Variants in CSMD3 observed in about 807,000 individuals in gnomAD.
CSMD3 encodes CUB and sushi domain-containing protein 3.
A neutral mutation model predicts 435.2 loss-of-function variants in CSMD3; 177 were observed. The ratio of observed to expected loss-of-function variants is 0.41; its 90% CI spans 0.36 to 0.46. The LOEUF is 0.46. Among genes scored for constraint, CSMD3 ranks in the 20% least tolerant of loss-of-function variants. The pLI is 0.34. For synonymous variants in CSMD3, 1,656 were observed against 1,520.5 expected (o/e 1.09, Z -2.07); for missense variants, 4,265 against 4,504.6 (o/e 0.95, Z 1.52).
intron 24 of CSMD3, among the ~76,000 whole-genome samples, chr8:112,571,154 T>A (rs1418865414): frequency 6.6e-6 from 1 of 152,014 alleles, no homozygotes; most frequent in African/African-American, 2.4e-5. Context: ...ATTACAGGCA[T>A]GTGCCACCAC....
chr8:112,746,307 A>C (rs1473847253), intron 13 of CSMD3, among the ~76,000 whole-genome samples: 1 of 152,150 alleles, frequency 6.6e-6, no homozygotes, highest in Non-Finnish European at 1.5e-5. Flanking sequence ...AAATGGAAGT[A>C]GCTTCCTGGT....
chr8:112,353,267 G>A (rs1563830365), intron 38 of CSMD3, among the ~76,000 whole-genome samples: 1 of 152,038 alleles, frequency 6.6e-6, no homozygotes, highest in African/African-American at 2.4e-5. Flanking sequence ...GGCAGGTGCT[G>A]TAATCCCAGC....
At chr8:113,130,753 G>C (rs929580432) in intron 4 of CSMD3, among the ~76,000 whole-genome samples, 1 of 152,102 alleles carries the variant, frequency 6.6e-6, no homozygotes, top group African/African-American at 2.4e-5. Flanking sequence ...AAGAAGACAG[G>C]AAGATGTGGG....
chr8:112,465,967 A>G (rs1187517381), intron 32 of CSMD3, among the ~76,000 whole-genome samples: 1 of 141,884 alleles, frequency 7.0e-6, no homozygotes, highest in Non-Finnish European at 1.5e-5. Flanking sequence ...AGAGGGAGAC[A>G]CCATCTCAAA....
chr8:112,531,444 C>T (rs1268455407), intron 27 of CSMD3, among the ~76,000 whole-genome samples: 3 of 152,110 alleles, frequency 2.0e-5, no homozygotes, highest in Non-Finnish European at 4.4e-5. Flanking sequence ...CTTTGGGTGC[C>T]AGTTACAACA....
chr8:112,676,732 G>T (rs894680248), intron 16 of CSMD3, among the ~76,000 whole-genome samples: 1 of 152,088 alleles, frequency 6.6e-6, no homozygotes, highest in Admixed American at 6.6e-5. Context: ...CAACAGAGGA[G>T]AATTAATTTA....
In CSMD3 at chr8:112,265,320, T is replaced by A. The variant is rs1405503477; in HGVS notation, c.9688+91A>T. On this transcript the variant is annotated intron_variant, in intron 60 of 70. Coordinates refer to ENST00000297405, the MANE Select transcript of CSMD3 (RefSeq NM_198123.2). Reference sequence around the variant, plus strand: ...ATAAATGCAACCTGGAACTAAAAAATTTTATTTAAGTATACTTTAAATTTG... The same window carrying A: ...ATAAATGCAACCTGGAACTAAAAAAATTTATTTAAGTATACTTTAAATTTG... 5.6e-6 allele frequency: 5 copies of A among 891,256 alleles called. No individual in the cohort carries two copies. In the East Asian group the frequency reaches 9.1e-5, roughly 16 times the overall value. The allele number at this position is 891,256 out of a possible 1,614,324, so 55.2% of individuals were successfully genotyped here.
chr8:113,205,076 C>T (rs1020123684), intron 3 of CSMD3, among the ~76,000 whole-genome samples: 2 of 151,770 alleles, frequency 1.3e-5, no homozygotes, highest in East Asian at 1.9e-4. Flanking sequence ...CTCCACCTCT[C>T]GGGTTCAAGA....
rs371111586 is a variant in CSMD3 at position 112,667,714 on chromosome 8, G to GA, written c.2678-1300dup. Among the ~76,000 whole-genome samples the GA allele has an allele frequency of 3.2e-3, 490 of 152,170 alleles. 1 individual carries two copies. Among genetic ancestry groups the GA allele is most frequent in the African/African-American group, 0.011 (463 of 41,534 alleles). ...ACTTTCAGGAAGTATACACAGAAGA[G>GA]AAAATGGAGGAAAGAGTGTTTAAGA... On this transcript the variant is annotated intron_variant, in intron 16 of 70. Transcript: ENST00000297405.
intron 6 of CSMD3, among the ~76,000 whole-genome samples, chr8:112,992,500 T>C (rs910926031): frequency 6.6e-6 from 1 of 151,772 alleles, no homozygotes; most frequent in African/African-American, 2.4e-5. Flanking sequence ...TATCTTTGCT[T>C]ACTCCTGAAA....
At position 112,785,818 on chromosome 8, in the gene CSMD3, A is replaced by G. The variant is rs776622280; in HGVS notation, c.1972+14344T>C. 7.9e-5 allele frequency among the ~76,000 whole-genome samples: 12 copies of G among 152,270 alleles called. 1 individual carries two copies. In the South Asian group the frequency reaches 1.0e-3, roughly 13 times the overall value. On this transcript the variant is annotated intron_variant, in intron 13 of 70. Transcript: ENST00000297405. ...AAAAAAGGAAAGATATATTACATTT[A>G]TGGATTAGAATAATCAGTATTATTA...
chr8:113,220,923 T>C (rs2092959073), intron 3 of CSMD3, among the ~76,000 whole-genome samples: 2 of 151,364 alleles, frequency 1.3e-5, no homozygotes, highest in Non-Finnish European at 3.0e-5. Context: ...ATTCATAACT[T>C]CTTTCTAATT....
Position 112,356,107 on chromosome 8 carries a change from C to G in CSMD3, c.6137-3573G>C, listed in dbSNP as rs574874358. Among the ~76,000 whole-genome samples the G allele has an allele frequency of 9.9e-5, 15 of 152,256 alleles. No homozygotes were observed. In the East Asian group the frequency reaches 2.9e-3, roughly 29 times the overall value. ...GTGGGAATGTAAATTAGTTCAGCCA[C>G]TGTGGAAAACAGTTTGGAGATTTCT... On this transcript the variant is annotated intron_variant, in intron 38 of 70. Transcript: ENST00000297405.
At chr8:113,298,524 A>C (rs1346265259) in intron 2 of CSMD3, among the ~76,000 whole-genome samples, 1 of 152,194 alleles carries the variant, frequency 6.6e-6, no homozygotes, top group Non-Finnish European at 1.5e-5. Context: ...TATTTTATTG[A>C]GCATCAATTA....
intron 45 of CSMD3, among the ~76,000 whole-genome samples, chr8:112,331,050 G>A (rs1018212325): frequency 6.6e-6 from 1 of 151,738 alleles, no homozygotes; most frequent in African/African-American, 2.4e-5. Context: ...TACCTTATAG[G>A]GTTACTATGA....
intron 23 of CSMD3, among the ~76,000 whole-genome samples, chr8:112,576,983 C>G (rs10110235): frequency 0.21 from 31,759 of 151,816 alleles, 4,092 homozygotes; most frequent in East Asian, 0.48. Flanking sequence ...AATTCAGTAA[C>G]AAAATCTGCT....
intron 37 of CSMD3, among the ~76,000 whole-genome samples, chr8:112,382,617 T>A (rs527981215): frequency 1.6e-3 from 238 of 152,310 alleles, no homozygotes; most frequent in African/African-American, 5.3e-3. Flanking sequence ...AGTAAAAAAT[T>A]AACAAAGTAA....
At chr8:113,389,897 A>G (rs892471253) in intron 1 of CSMD3, among the ~76,000 whole-genome samples, 3 of 151,792 alleles carry the variant, frequency 2.0e-5, no homozygotes, top group Admixed American at 6.6e-5. Flanking sequence ...TGAATATTAA[A>G]TGATACTATA....
intron 5 of CSMD3, among the ~76,000 whole-genome samples, chr8:113,036,823 T>A: frequency 6.6e-6 from 1 of 152,090 alleles, no homozygotes. Flanking sequence ...TAATCCTGAT[T>A]TATGGAGGAT....
Sources: allele counts gnomAD v4.1 joint callset (sites outside exome capture counted in the v4.1 genomes callset), GRCh38; gene constraint gnomAD v4.1.1; transcripts MANE v1.5; gene names NCBI Gene and HGNC (gene_info 2026-07-23, HGNC 2026-07-21).